Variants in NPAS3 observed in about 807,000 individuals in gnomAD.
NPAS3 encodes the protein neuronal PAS domain protein 3.
In NPAS3, 14 loss-of-function variants were observed where a neutral mutation model predicts 73.1. The ratio of observed to expected loss-of-function variants is 0.19; its 90% CI spans 0.13 to 0.30. The LOEUF is 0.30. Among genes scored for constraint, NPAS3 ranks in the 10% least tolerant of loss-of-function variants. NPAS3 has a pLI of 1.00. For synonymous variants in NPAS3, 620 were observed against 541.5 expected, an observed-to-expected ratio of 1.14 and a Z score of -2.01; for missense variants, 1,096 against 1,250.0, an observed-to-expected ratio of 0.88 and a Z score of 1.86.
intron 2 of NPAS3, among the ~76,000 whole-genome samples, chr14:33,117,994 C>A (rs895319352): frequency 2.6e-5 from 4 of 151,992 alleles, no homozygotes. Flanking sequence ...CAGGTGAGTA[C>A]TCTTCCATTA....
chr14:33,729,448 G>A (rs1288538807), intron 6 of NPAS3, among the ~76,000 whole-genome samples: 1 of 152,144 alleles, frequency 6.6e-6, no homozygotes, highest in African/African-American at 2.4e-5. Flanking sequence ...ATCTCGCATA[G>A]TTCCTTCAGG....
At chr14:33,581,597 G>T (rs1162650898) in intron 5 of NPAS3, among the ~76,000 whole-genome samples, 2 of 148,298 alleles carry the variant, frequency 1.3e-5, no homozygotes, top group African/African-American at 4.8e-5. Flanking sequence ...TTGAAACAGT[G>T]TCTCACTCTG....
At chr14:33,802,107 T>G (rs1263196282), downstream of NPAS3, 1 of 152,230 alleles carries the variant, frequency 6.6e-6, no homozygotes, top group African/African-American at 2.4e-5. Context: ...TTTAGCTTTT[T>G]GTTTTCCTTA....
chr14:33,013,807 C>G (rs1227449550), intron 1 of NPAS3, among the ~76,000 whole-genome samples: 2 of 151,970 alleles, frequency 1.3e-5, no homozygotes, highest in Non-Finnish European at 2.9e-5. Context: ...GGATATCTTT[C>G]TGCATTTGGG....
intron 2 of NPAS3, among the ~76,000 whole-genome samples, chr14:33,061,754 T>G (rs1277995262): frequency 1.3e-5 from 2 of 152,198 alleles, no homozygotes; most frequent in Non-Finnish European, 2.9e-5. Flanking sequence ...CAGAGGTGAC[T>G]AAGAAAACCT....
chr14:33,458,205 A>T (rs964083505), intron 4 of NPAS3, among the ~76,000 whole-genome samples: 6 of 152,240 alleles, frequency 3.9e-5, no homozygotes, highest in African/African-American at 1.4e-4. Context: ...TTTGTTTTTT[A>T]AAACTTCAGT....
chr14:33,508,071 C>T (rs1277836280), intron 4 of NPAS3, among the ~76,000 whole-genome samples: 1 of 152,046 alleles, frequency 6.6e-6, no homozygotes, highest in Non-Finnish European at 1.5e-5. Context: ...GCCATTCAAT[C>T]TCCTAGTCTC....
At chr14:33,782,175 T>C (rs2062998163) in intron 9 of NPAS3, among the ~76,000 whole-genome samples, 1 of 152,216 alleles carries the variant, frequency 6.6e-6, no homozygotes, top group African/African-American at 2.4e-5. Context: ...CAAATCAACA[T>C]TTAAAGGTTA....
intron 3 of NPAS3, among the ~76,000 whole-genome samples, chr14:33,312,653 G>A (rs918916701): frequency 1.3e-5 from 2 of 151,942 alleles, no homozygotes; most frequent in African/African-American, 4.8e-5. Flanking sequence ...GGAATAAGTT[G>A]ACAGGTATAT....
At chr14:33,651,186 A>G (rs897296064) in intron 5 of NPAS3, among the ~76,000 whole-genome samples, 2 of 152,142 alleles carry the variant, frequency 1.3e-5, no homozygotes, top group African/African-American at 4.8e-5. Flanking sequence ...TTTTCGCGCC[A>G]TGCAGTGCCA....
At chr14:33,437,020 T>C (rs2049018155) in intron 4 of NPAS3, among the ~76,000 whole-genome samples, 1 of 152,150 alleles carries the variant, frequency 6.6e-6, no homozygotes, top group Non-Finnish European at 1.5e-5. Flanking sequence ...ACGTGTAAAA[T>C]CATCCAATGA....
intron 2 of NPAS3, among the ~76,000 whole-genome samples, chr14:33,084,546 A>G (rs1187568866): frequency 6.6e-6 from 1 of 152,226 alleles, no homozygotes; most frequent in Non-Finnish European, 1.5e-5. Flanking sequence ...ACAGTGTTAT[A>G]GGTGGAAGGT....
chr14:33,159,379 A>G (rs188771904), intron 2 of NPAS3, among the ~76,000 whole-genome samples: 16 of 152,160 alleles, frequency 1.1e-4, no homozygotes, highest in African/African-American at 2.9e-4. Context: ...GTGGTTACCA[A>G]TGAACCTACA....
intron 3 of NPAS3, among the ~76,000 whole-genome samples, chr14:33,321,490 G>C (rs2043446846): frequency 6.6e-6 from 1 of 151,718 alleles, no homozygotes; most frequent in Admixed American, 6.6e-5. Flanking sequence ...TATTCTGCTT[G>C]GGGAAATTTG....
intron 5 of NPAS3, among the ~76,000 whole-genome samples, chr14:33,585,580 G>C (rs1012251374): frequency 6.6e-6 from 1 of 152,096 alleles, no homozygotes; most frequent in African/African-American, 2.4e-5. Flanking sequence ...TTTCTCAGTA[G>C]GCTGAAAACA....
intron 1 of NPAS3, among the ~76,000 whole-genome samples, chr14:32,987,870 C>T (rs1458798204): frequency 6.6e-6 from 1 of 152,038 alleles, no homozygotes; most frequent in East Asian, 1.9e-4. Context: ...ATTTCTTATA[C>T]TTGGATTAAG....
At chr14:33,187,930 GC>G (rs1189833289) in intron 2 of NPAS3, among the ~76,000 whole-genome samples, 1 of 152,154 alleles carries the variant, frequency 6.6e-6, no homozygotes. Flanking sequence ...AAATTAGGAT[GC>G]CTTACTTTCA....
chr14:33,008,697 G>A (rs10483421), intron 1 of NPAS3, among the ~76,000 whole-genome samples: 19,187 of 152,100 alleles, frequency 0.13, 1,308 homozygotes, highest in East Asian at 0.21. Flanking sequence ...AGAAATGAAC[G>A]TTAGGTAAGA....
chr14:33,026,387 A>G (rs1177238631), intron 1 of NPAS3, among the ~76,000 whole-genome samples: 3 of 152,164 alleles, frequency 2.0e-5, no homozygotes, highest in Non-Finnish European at 2.9e-5. Context: ...GGGAATCTGT[A>G]TGGTTCCTCC....
Sources: allele counts gnomAD v4.1 joint callset (sites outside exome capture counted in the v4.1 genomes callset), GRCh38; gene constraint gnomAD v4.1.1; transcripts MANE v1.5; gene names NCBI Gene and HGNC (gene_info 2026-07-23, HGNC 2026-07-21).